Variants in NEBL observed in about 807,000 individuals in gnomAD.
NEBL encodes LIM and SH3 protein 2.
Under a neutral mutation model 140.2 loss-of-function variants are expected in NEBL, and 122 were observed. The ratio of observed to expected loss-of-function variants is 0.87; its 90% confidence interval spans 0.75 to 1.01. The LOEUF (loss-of-function observed/expected upper bound fraction) is 1.01. NEBL is among the 50% of genes least tolerant of loss of function. NEBL has a pLI of 0.00. For missense variants in NEBL, 1,365 were observed against 1,231.3 expected (o/e 1.11, Z -1.62); for synonymous variants, 436 against 398.9 (o/e 1.09, Z -1.11).
chr10:21,205,038 C>G (rs1276425189), intron 3 of NEBL, among the ~76,000 whole-genome samples: 1 of 152,212 alleles, frequency 6.6e-6, no homozygotes, highest in Non-Finnish European at 1.5e-5. Flanking sequence ...AGTCAGAGTC[C>G]ATTTCTGTTG....
chr10:20,813,907 C>A, intron 23 of NEBL, 32 bp downstream of exon 23: 1 of 1,356,976 alleles, frequency 7.4e-7, no homozygotes. Flanking sequence ...CATTCCTTAG[C>A]ATGTTTTAAG....
intron 1 of NEBL, among the ~76,000 whole-genome samples, chr10:21,255,064 G>C (rs1031363413): frequency 1.3e-5 from 2 of 152,016 alleles, no homozygotes; most frequent in Admixed American, 6.6e-5. Context: ...TCTGCTCCCT[G>C]CAAACCTCCC....
intron 2 of NEBL, among the ~76,000 whole-genome samples, chr10:21,039,292 T>A (rs1416669639): frequency 1.3e-5 from 2 of 152,208 alleles, no homozygotes; most frequent in Admixed American, 6.5e-5. Flanking sequence ...AGTCATGAAG[T>A]CTTTGCCTAT....
intron 2 of NEBL, among the ~76,000 whole-genome samples, chr10:21,115,325 A>C (rs1838229850): frequency 6.6e-6 from 1 of 151,962 alleles, no homozygotes. Flanking sequence ...ATTTATGTTC[A>C]TATTTACCTT....
At chr10:20,970,308 A>T (rs1419139605) in intron 3 of NEBL, among the ~76,000 whole-genome samples, 1 of 152,192 alleles carries the variant, frequency 6.6e-6, no homozygotes, top group East Asian at 1.9e-4. Context: ...TGCAATCTGC[A>T]TTTAGGAGCT....
At chr10:20,917,042 G>GA (rs764579299) in intron 4 of NEBL, among the ~76,000 whole-genome samples, 15 of 152,068 alleles carry the variant, frequency 9.9e-5, no homozygotes, top group Non-Finnish European at 1.8e-4. Context: ...ACTGTATACT[G>GA]AAAAAAAATA....
chr10:20,875,510 A>C (rs985675765), intron 5 of NEBL, among the ~76,000 whole-genome samples: 6 of 152,220 alleles, frequency 3.9e-5, no homozygotes, highest in Non-Finnish European at 7.3e-5. Context: ...AGGCAGACAC[A>C]TGTGCAGCTG....
intron 2 of NEBL, among the ~76,000 whole-genome samples, chr10:21,141,079 CT>C (rs1839611738): frequency 6.8e-6 from 1 of 147,070 alleles, no homozygotes; most frequent in South Asian, 2.1e-4. Context: ...AAAAAACCTG[CT>C]CTATGCTCTT....
intron 2 of NEBL, among the ~76,000 whole-genome samples, chr10:21,137,305 A>G (rs910065576): frequency 6.6e-6 from 1 of 152,250 alleles, no homozygotes; most frequent in South Asian, 2.1e-4. Flanking sequence ...AAGAGTCTGT[A>G]TATAACAAAT....
intron 3 of NEBL, among the ~76,000 whole-genome samples, chr10:21,192,254 C>A (rs573131834): frequency 6.6e-6 from 1 of 151,304 alleles, no homozygotes; most frequent in Non-Finnish European, 1.5e-5. Flanking sequence ...TGCAGTGGCA[C>A]GATCTCGGCT....
intron 4 of NEBL, among the ~76,000 whole-genome samples, chr10:20,952,040 C>A (rs1173949876): frequency 1.3e-5 from 2 of 152,122 alleles, no homozygotes; most frequent in African/African-American, 4.8e-5. Flanking sequence ...CATAATTCAA[C>A]CAAGATCTGG....
chr10:21,039,821 T>C (rs1013769139), intron 2 of NEBL, among the ~76,000 whole-genome samples: 4 of 152,158 alleles, frequency 2.6e-5, no homozygotes, highest in African/African-American at 4.8e-5. Flanking sequence ...TCTTGACCCA[T>C]CAAATCAATG....
At chr10:21,021,529 C>T (rs984301434) in intron 2 of NEBL, among the ~76,000 whole-genome samples, 8 of 152,186 alleles carry the variant, frequency 5.3e-5, no homozygotes, top group Non-Finnish European at 1.2e-4. Flanking sequence ...TCCCCTGACA[C>T]GTTATTCCCC....
intron 8 of NEBL, among the ~76,000 whole-genome samples, chr10:20,859,206 G>A (rs568701831): frequency 3.9e-5 from 6 of 152,092 alleles, no homozygotes; most frequent in Admixed American, 2.6e-4. Flanking sequence ...AATGAATTTT[G>A]ATGATTTTTA....
intron 2 of NEBL, among the ~76,000 whole-genome samples, chr10:20,896,503 T>TATATATAC (rs1334076927): frequency 2.2e-5 from 3 of 137,596 alleles, no homozygotes; most frequent in African/African-American, 8.0e-5. Context: ...TATATATATA[T>TATATATAC]ATATATATAT....
chr10:21,078,794 A>T (rs1836226406), intron 2 of NEBL, among the ~76,000 whole-genome samples: 1 of 152,230 alleles, frequency 6.6e-6, no homozygotes, highest in South Asian at 2.1e-4. Flanking sequence ...AGTAAGAGAC[A>T]GAGATATTTG....
rs1835432998 is a variant in NEBL at position 20,786,659 on chromosome 10, A to C, written c.2868+543T>G. Among the ~76,000 whole-genome samples the C allele has an allele frequency of 2.0e-5, 3 of 152,208 alleles. 1 individual carries two copies. Among genetic ancestry groups the C allele is most frequent in the South Asian group, 4.1e-4 (2 of 4,826 alleles). On this transcript the variant is annotated intron_variant, in intron 27 of 27. Coordinates refer to ENST00000377122, the MANE Select transcript of NEBL (RefSeq NM_006393.3). ...GTGTAGAAGAGTTTTCTAGGTGTTG[A>C]GGCAAAGACCAAGAGACTATGTTGA... is the stretch of plus-strand genomic sequence containing the variant.
chr10:21,093,758 T>A (rs1253720626), intron 2 of NEBL, among the ~76,000 whole-genome samples: 1 of 152,246 alleles, frequency 6.6e-6, no homozygotes, highest in South Asian at 2.1e-4. Flanking sequence ...TATTTTATCC[T>A]GAAAAATCTA....
intron 3 of NEBL, chr10:20,961,820 C>T (rs532675610): frequency 3.4e-6 from 5 of 1,463,048 alleles, no homozygotes; most frequent in Admixed American, 3.3e-5. Context: ...AGAGGGATCA[C>T]GAATCCCACT....
Sources: gnomAD v4.1 joint callset for allele counts (sites outside exome capture counted in the v4.1 genomes callset) on GRCh38, gnomAD v4.1.1 for gene constraint, MANE v1.5 for transcripts, NCBI Gene and HGNC (gene_info 2026-07-23, HGNC 2026-07-21) for gene names.